Variants in SOD2 observed in about 807,000 individuals in gnomAD.
SOD2 encodes superoxide dismutase 2.
Under a neutral mutation model 27.0 loss-of-function variants are expected in SOD2, and 11 were observed. That is an observed-to-expected ratio of 0.41 (90% confidence interval 0.26 to 0.67). The LOEUF (loss-of-function observed/expected upper bound fraction) is 0.67. Ranked by LOEUF, SOD2 falls within the 30% of genes least tolerant of loss-of-function variation. The pLI is 0.34. For missense variants in SOD2, 250 were observed against 274.5 expected (o/e 0.91, Z 0.63); for synonymous variants, 105 against 103.0 (o/e 1.02, Z -0.12).
At chr6:159,740,968 CT>C (rs1454433334) in intron 1 of SOD2, among the ~76,000 whole-genome samples, 1 of 152,110 alleles carries the variant, frequency 6.6e-6, no homozygotes, top group African/African-American at 2.4e-5. Context: ...TCCCAAAGTG[CT>C]GGGATTACAG....
At chr6:159,748,145 A>G (rs184478212), upstream of SOD2, 171 of 1,569,554 alleles carry the variant, frequency 1.1e-4, no homozygotes, top group African/African-American at 2.0e-3. This position sits in a 1 kb window ranked among gnomAD's most constrained non-coding sequence, Gnocchi z 5.6. Flanking sequence ...CTTCTTATGT[A>G]TGTTTCCTTT....
chr6:159,692,909 GTCT>G (rs1387472952), intron 1 of SOD2, 46 bp from the exon 2 acceptor site: 1 of 1,492,732 alleles, frequency 6.7e-7, no homozygotes, highest in Admixed American at 2.1e-5. Flanking sequence ...CCGCGGGACC[GTCT>G]ACGCAGGCTG....
At chr6:159,749,279 ATT>A (rs961582501), upstream of SOD2, 79 of 985,668 alleles carry the variant, frequency 8.0e-5, no homozygotes, top group Non-Finnish European at 8.9e-5. Flanking sequence ...TTTTTAGTGA[ATT>A]TTATGAAATC....
At chr6:159,727,822 G>A, upstream of SOD2, 1 of 707,236 alleles carries the variant, frequency 1.4e-6, no homozygotes, top group Non-Finnish European at 1.7e-6. Flanking sequence ...CACGGGCCTG[G>A]TGCGGCACCG....
At position 159,681,652 on chromosome 6, in the gene SOD2, T is replaced by C. The variant is rs1395112204; in HGVS notation, c.*841A>G. On this transcript the variant is annotated 3_prime_UTR_variant, in exon 5 of 5. Coordinates refer to ENST00000538183, the MANE Select transcript of SOD2 (RefSeq NM_000636.4). ...CCAATATATAAGCTTCATGTAGTGA[T>C]TTACAATTTTGGTATACAGCCATAC... 1 of 152,154 alleles carries C rather than the reference T, an allele frequency of 6.6e-6. No individual in the cohort carries two copies. The highest frequency in any genetic ancestry group is 2.4e-5 in the African/African-American group (1 of 41,410). 9.4% of individuals were successfully genotyped at this position (152,154 alleles called of 1,614,324 possible).
intron 2 of SOD2, 131 bp downstream of exon 2, chr6:159,692,530 C>T (rs1370521089): frequency 2.7e-6 from 4 of 1,488,818 alleles, no homozygotes; most frequent in Non-Finnish European, 3.6e-6. Flanking sequence ...GACTATCGTG[C>T]CTGGAAAACT....
upstream of SOD2, chr6:159,748,431 G>A: frequency 6.3e-7 from 1 of 1,591,848 alleles, no homozygotes; most frequent in Non-Finnish European, 8.6e-7. This position sits in a 1 kb window ranked among gnomAD's most constrained non-coding sequence, Gnocchi z 5.6. Flanking sequence ...GAAAGCTGTG[G>A]TGGGACAGCC....
chr6:159,694,595 T>G (rs550102321), upstream of SOD2, among the ~76,000 whole-genome samples: 24 of 152,032 alleles, frequency 1.6e-4, no homozygotes, highest in African/African-American at 5.8e-4. Context: ...TTTTTTTAAT[T>G]TATTATTTAT....
At chr6:159,727,188 G>A in exon 1 of SOD2, 1 of 1,226,212 alleles carries the variant, frequency 8.2e-7, no homozygotes, top group Non-Finnish European at 1.0e-6. Flanking sequence ...AAAGGACGGG[G>A]AGTGTTACCG....
chr6:159,697,034 G>GACACACACAC (rs35334577), upstream of SOD2, among the ~76,000 whole-genome samples: 5,696 of 132,620 alleles, frequency 0.043, 205 homozygotes, highest in Non-Finnish European at 0.059. Context: ...AGGAGACCCT[G>GACACACACAC]ACACACACAC....
chr6:159,689,829 G>C (rs552924235), intron 2 of SOD2, among the ~76,000 whole-genome samples: 1 of 152,040 alleles, frequency 6.6e-6, no homozygotes, highest in Admixed American at 6.6e-5. Context: ...GTATGGTGGC[G>C]CGTGCCTATA....
exon 1 of SOD2, chr6:159,761,880 G>GCGCCCCGGCCTCACTTC (rs558999538): frequency 3.1e-4 from 92 of 293,894 alleles, no homozygotes; most frequent in African/African-American, 1.7e-3. Context: ...CCCGCGCCCC[G>GCGCCCCGGCCTCACTTC]CGCCCCGCGC....
chr6:159,732,656 G>A (rs148338359), intron 1 of SOD2, among the ~76,000 whole-genome samples: 385 of 152,196 alleles, frequency 2.5e-3, no homozygotes, highest in African/African-American at 8.5e-3. Flanking sequence ...TCAACATGGT[G>A]AAACTAAAAA....
At chr6:159,722,292 G>A (rs764540359) in intron 1 of SOD2, among the ~76,000 whole-genome samples, 2 of 152,154 alleles carry the variant, frequency 1.3e-5, no homozygotes, top group South Asian at 2.1e-4. Context: ...GACGAGGCAC[G>A]AGGATCACTT....
chr6:159,747,293 A>G (rs1260771658), upstream of SOD2, among the ~76,000 whole-genome samples: 4 of 152,200 alleles, frequency 2.6e-5, no homozygotes, highest in Non-Finnish European at 4.4e-5. Flanking sequence ...ATATGTAAGT[A>G]GAAGGGTTCT....
chr6:159,762,008 G>A (rs749168385), exon 1 of SOD2: 3 of 1,540,202 alleles, frequency 1.9e-6, no homozygotes, highest in African/African-American at 1.4e-5. Flanking sequence ...GGTCCCGCCC[G>A]CGGCAGGCCT....
rs577507373 is a variant in SOD2 at position 159,717,311 on chromosome 6, C to T, written c.-116+9818G>A. 5.3e-5 allele frequency among the ~76,000 whole-genome samples: 8 copies of T among 152,236 alleles called. No individual in the cohort carries two copies. The South Asian group carries it at 1.2e-3, about 24-fold the overall frequency. The stretch of plus-strand genomic sequence containing the variant: ...TATTTTAGAATTAGAGACAGGGTCT[C>T]GCTGTGTTGCCCAGGAGGGTCTTGA... On this transcript the variant is annotated intron_variant, in intron 1 of 2. Transcript: ENST00000401980.
intron 1 of SOD2, chr6:159,736,644 TTA>T (rs1484331906): frequency 5.7e-6 from 1 of 176,588 alleles, no homozygotes; most frequent in African/African-American, 2.4e-5. Flanking sequence ...AAAATGGACA[TTA>T]TGAGTATATT....
At chr6:159,689,853 A>G (rs1189205168) in intron 2 of SOD2, among the ~76,000 whole-genome samples, 1 of 152,060 alleles carries the variant, frequency 6.6e-6, no homozygotes, top group Non-Finnish European at 1.5e-5. Flanking sequence ...CCAGCTACTC[A>G]GGAGCATGAG....
Sources: allele counts gnomAD v4.1 joint callset (sites outside exome capture counted in the v4.1 genomes callset), GRCh38; gene constraint gnomAD v4.1.1; non-coding constraint Gnocchi (gnomAD v3.1); transcripts MANE v1.5; gene names NCBI Gene and HGNC (gene_info 2026-07-23, HGNC 2026-07-21).